DLG1: variants seen among roughly 807,000 people sequenced by gnomAD.
DLG1 encodes disks large homolog 1.
A neutral mutation model predicts 123.4 loss-of-function variants in DLG1; 42 were observed. That is an observed-to-expected ratio of 0.34 (90% CI 0.27 to 0.44). DLG1 has a LOEUF of 0.44. Among genes scored for constraint, DLG1 ranks in the 20% least tolerant of loss-of-function variants. The probability of loss-of-function intolerance (pLI) is 1.00; values close to 1 mark genes in which losing one functional copy is unlikely to be tolerated. For synonymous variants in DLG1, 317 were observed against 356.2 expected (o/e 0.89, Z 1.24); for missense variants, 942 against 1,082.6 (o/e 0.87, Z 1.82).
intron 4 of DLG1, among the ~76,000 whole-genome samples, chr3:197,209,639 T>C (rs1447776690): frequency 6.8e-6 from 1 of 146,342 alleles, no homozygotes; most frequent in African/African-American, 2.4e-5. Context: ...AAGTCACAAA[T>C]TTAAAAGGAT....
intron 15 of DLG1, among the ~76,000 whole-genome samples, chr3:197,088,332 C>T (rs911812299): frequency 6.6e-6 from 1 of 152,132 alleles, no homozygotes; most frequent in African/African-American, 2.4e-5. Flanking sequence ...CTCAGAGACA[C>T]ACCAGATCAT....
At chr3:197,137,464 T>C (rs1785588938) in intron 9 of DLG1, among the ~76,000 whole-genome samples, 1 of 152,172 alleles carries the variant, frequency 6.6e-6, no homozygotes, top group South Asian at 2.1e-4. Context: ...CACAAATATT[T>C]CACTCTTTTA....
intron 8 of DLG1, among the ~76,000 whole-genome samples, chr3:197,139,503 A>G (rs1164038803): frequency 6.6e-6 from 1 of 152,218 alleles, no homozygotes; most frequent in African/African-American, 2.4e-5. Context: ...TTTGAACAAC[A>G]AACAAGGAAA....
intron 4 of DLG1, among the ~76,000 whole-genome samples, chr3:197,261,489 T>G (rs1759435779): frequency 6.6e-6 from 1 of 152,218 alleles, no homozygotes; most frequent in Admixed American, 6.5e-5. Context: ...TTTTAATGCA[T>G]AATAAGGAAG....
At chr3:197,273,452 G>C (rs899412111) in intron 4 of DLG1, among the ~76,000 whole-genome samples, 1 of 151,926 alleles carries the variant, frequency 6.6e-6, no homozygotes, top group Non-Finnish European at 1.5e-5. Context: ...TGGCCAGGCT[G>C]GTTTCGAACT....
chr3:197,154,242 C>T (rs1000935075), intron 5 of DLG1, among the ~76,000 whole-genome samples: 1 of 151,818 alleles, frequency 6.6e-6, no homozygotes, highest in African/African-American at 2.4e-5. Context: ...GTGGAGGTTG[C>T]AATGAGCCGA....
intron 11 of DLG1, among the ~76,000 whole-genome samples, chr3:197,124,506 C>G (rs1360812059): frequency 2.0e-5 from 3 of 152,062 alleles, no homozygotes; most frequent in Non-Finnish European, 4.4e-5. Flanking sequence ...GATCTGCTGA[C>G]CTCATGCTCC....
At chr3:197,102,212 A>G (rs1160932018) in intron 14 of DLG1, among the ~76,000 whole-genome samples, 2 of 152,236 alleles carry the variant, frequency 1.3e-5, no homozygotes, top group Non-Finnish European at 2.9e-5. Context: ...TCAGAATCCA[A>G]GTCAAGAAAG....
chr3:197,235,135 A>G (rs338188), intron 4 of DLG1, among the ~76,000 whole-genome samples: 1 of 152,174 alleles, frequency 6.6e-6, no homozygotes, highest in African/African-American at 2.4e-5. Flanking sequence ...GAAGGAAAAC[A>G]AAGTGAGCTC....
rs1419982641 is a variant in DLG1 at position 197,042,851 on chromosome 3, G to A, written c.*1772C>T. 1.3e-5 allele frequency: 2 copies of A among 151,776 alleles called. No homozygotes were observed. Among genetic ancestry groups the A allele is most frequent in the Non-Finnish European group, 2.9e-5 (2 of 67,984 alleles). 9.4% of individuals were successfully genotyped at this position (151,776 alleles called of 1,614,324 possible). A position where few individuals can be genotyped will look rare whatever the true frequency, so the allele number is the denominator to read the frequency against. On this transcript the variant is annotated 3_prime_UTR_variant, in exon 25 of 25. Transcript: ENST00000667157. ...TGGATTCGGTTATAAGTTACATGAT[G>A]CCTCAAATTGTTTCAAGAAAATGTT...
Position 197,134,140 on chromosome 3 carries a change from CTGGTTATAG to C in DLG1, c.1020+2393_1020+2401del, listed in dbSNP as rs570078437. 4.0e-4 allele frequency among the ~76,000 whole-genome samples: 61 copies of C among 152,238 alleles called. No homozygotes were observed. In the South Asian group the frequency reaches 0.011, roughly 28 times the overall value. ...AGTGATGAGTGATGGTGAGATGGTA[CTGGTTATAG>C]TTTGAGGAAAGAGTGGTGATCTTAG... On this transcript the variant is annotated intron_variant, in intron 10 of 24. Coordinates refer to ENST00000667157, the MANE Select transcript of DLG1 (RefSeq NM_001366207.1).
intron 4 of DLG1, among the ~76,000 whole-genome samples, chr3:197,202,346 C>T (rs1726223370): frequency 6.6e-6 from 1 of 152,152 alleles, no homozygotes; most frequent in Non-Finnish European, 1.5e-5. Flanking sequence ...AAACGACGCT[C>T]ATTTTGAATA....
At chr3:197,112,562 ACT>A (rs1359392849) in intron 13 of DLG1, among the ~76,000 whole-genome samples, 1 of 151,344 alleles carries the variant, frequency 6.6e-6, no homozygotes, top group Non-Finnish European at 1.5e-5. Flanking sequence ...ATTTTTTACC[ACT>A]GTGTGGCTTG....
At chr3:197,182,106 A>G (rs1010430638) in intron 5 of DLG1, among the ~76,000 whole-genome samples, 2 of 151,538 alleles carry the variant, frequency 1.3e-5, no homozygotes, top group Non-Finnish European at 2.9e-5. Context: ...ATACATATAT[A>G]GAAGGGTGTG....
chr3:197,110,458 T>C, intron 13 of DLG1, among the ~76,000 whole-genome samples: 1 of 152,214 alleles, frequency 6.6e-6, no homozygotes. Context: ...GTATTTAAAA[T>C]ACCTGGTTTA....
At chr3:197,219,752 G>A (rs1023199626) in intron 4 of DLG1, among the ~76,000 whole-genome samples, 2 of 152,154 alleles carry the variant, frequency 1.3e-5, no homozygotes, top group East Asian at 1.9e-4. Context: ...ATGCATGCAC[G>A]GAGGAAAGGC....
intron 18 of DLG1, chr3:197,070,222 T>A (rs1742674261): frequency 6.6e-6 from 1 of 150,780 alleles, no homozygotes; most frequent in African/African-American, 2.5e-5. Context: ...CAGGGAAATC[T>A]GAATTTTTAT....
At chr3:197,261,133 A>G (rs963510167) in intron 4 of DLG1, among the ~76,000 whole-genome samples, 1 of 152,240 alleles carries the variant, frequency 6.6e-6, no homozygotes, top group Non-Finnish European at 1.5e-5. Flanking sequence ...CTTTGTTTTT[A>G]AGTCAACTAA....
chr3:197,231,552 T>C (rs547944723), intron 4 of DLG1, among the ~76,000 whole-genome samples: 7 of 151,866 alleles, frequency 4.6e-5, no homozygotes, highest in African/African-American at 4.8e-5. Flanking sequence ...AATACAAAAA[T>C]TAGCCAGGCA....
Sources: allele counts gnomAD v4.1 joint callset (sites outside exome capture counted in the v4.1 genomes callset), GRCh38; gene constraint gnomAD v4.1.1; transcripts MANE v1.5; gene names NCBI Gene and HGNC (gene_info 2026-07-23, HGNC 2026-07-21).